EVC2: variants seen among roughly 807,000 people sequenced by gnomAD.
The protein encoded by EVC2 is limbin.
Under a neutral mutation model 149.3 loss-of-function variants are expected in EVC2, and 148 were observed. The ratio of observed to expected loss-of-function variants is 0.99; its 90% CI spans 0.87 to 1.14. The LOEUF is 1.14. Among genes scored for constraint, EVC2 ranks in the 50% most tolerant of loss-of-function variants. The pLI is 0.00. For missense variants in EVC2, 1,854 were observed against 1,627.3 expected, an observed-to-expected ratio of 1.14 and a Z score of -2.40; for synonymous variants, 776 against 649.9, an observed-to-expected ratio of 1.19 and a Z score of -2.95.
At chr4:5,703,514 T>C (rs965756764) in intron 1 of EVC2, among the ~76,000 whole-genome samples, 2 of 152,186 alleles carry the variant, frequency 1.3e-5, no homozygotes, top group African/African-American at 4.8e-5. Flanking sequence ...TAGTAAACAG[T>C]AGAGCTGAGG....
At chr4:5,643,157 T>G (rs1001552778) in intron 9 of EVC2, among the ~76,000 whole-genome samples, 1 of 152,214 alleles carries the variant, frequency 6.6e-6, no homozygotes, top group Non-Finnish European at 1.5e-5. Context: ...ACTGACTATT[T>G]TCAGTTAAAG....
intron 5 of EVC2, among the ~76,000 whole-genome samples, chr4:5,685,752 C>G (rs141287944): frequency 1.3e-5 from 2 of 152,194 alleles, no homozygotes; most frequent in Non-Finnish European, 2.9e-5. Flanking sequence ...GTGCACCACC[C>G]GCAACAGGGC....
intron 17 of EVC2, among the ~76,000 whole-genome samples, chr4:5,578,258 G>A (rs1723052965): frequency 6.6e-6 from 1 of 152,070 alleles, no homozygotes; most frequent in Non-Finnish European, 1.5e-5. Context: ...TCAGCACAGT[G>A]CATAGCTCAT....
intron 9 of EVC2, among the ~76,000 whole-genome samples, chr4:5,651,913 G>A (rs1718169617): frequency 6.6e-6 from 1 of 152,192 alleles, no homozygotes; most frequent in Non-Finnish European, 1.5e-5. Flanking sequence ...TCTTATCCAT[G>A]ACAACCTTGC....
At chr4:5,610,316 G>A (rs1714715970) in intron 16 of EVC2, among the ~76,000 whole-genome samples, 1 of 152,138 alleles carries the variant, frequency 6.6e-6, no homozygotes, top group Admixed American at 6.5e-5. Flanking sequence ...CTACCAAGGT[G>A]CCTGGCACTA....
At chr4:5,695,587 G>A (rs1375527252) in intron 2 of EVC2, among the ~76,000 whole-genome samples, 6 of 152,158 alleles carry the variant, frequency 3.9e-5, no homozygotes, top group Non-Finnish European at 8.8e-5. Context: ...CTGGGTGTGT[G>A]GTTAAGATAC....
intron 14 of EVC2, among the ~76,000 whole-genome samples, chr4:5,620,208 C>G (rs1715588728): frequency 6.6e-6 from 1 of 152,190 alleles, no homozygotes; most frequent in Non-Finnish European, 1.5e-5. Flanking sequence ...TGCACCTTCC[C>G]TTGTGCAAGG....
intron 6 of EVC2, among the ~76,000 whole-genome samples, chr4:5,681,932 G>A (rs552319052): frequency 2.0e-5 from 3 of 152,248 alleles, no homozygotes; most frequent in African/African-American, 7.2e-5. Flanking sequence ...TCTATAGGGT[G>A]GTGGTTAGGG....
At chr4:5,550,603 A>G (rs920256412) in intron 21 of EVC2, among the ~76,000 whole-genome samples, 1 of 152,214 alleles carries the variant, frequency 6.6e-6, no homozygotes, top group Non-Finnish European at 1.5e-5. Flanking sequence ...TGAGAACGCA[A>G]TAGAAAAGAA....
intron 17 of EVC2, among the ~76,000 whole-genome samples, chr4:5,579,822 CA>C (rs1326780131): frequency 2.6e-5 from 4 of 152,208 alleles, no homozygotes; most frequent in African/African-American, 9.7e-5. Flanking sequence ...GCCTGGGTGA[CA>C]GTGACTGTCT....
the EVC2 span, among the ~76,000 whole-genome samples, chr4:5,536,950 T>C: frequency 6.9e-4 from 105 of 152,288 alleles, 1 homozygote; most frequent in African/African-American, 2.4e-3. Context: ...ATCCCTGTCA[T>C]CTGAGAAAGG....
intron 9 of EVC2, among the ~76,000 whole-genome samples, chr4:5,648,465 C>T (rs996352236): frequency 6.6e-6 from 1 of 152,220 alleles, no homozygotes; most frequent in African/African-American, 2.4e-5. Context: ...GGTGCTTTAC[C>T]GGTGGTTTGC....
At chr4:5,681,965 G>C (rs1235412790) in intron 6 of EVC2, among the ~76,000 whole-genome samples, 1 of 152,128 alleles carries the variant, frequency 6.6e-6, no homozygotes, top group Non-Finnish European at 1.5e-5. Flanking sequence ...AGTTCATACA[G>C]GGCCCCACTG....
At chr4:5,612,788 A>G (rs377311383) in intron 16 of EVC2, among the ~76,000 whole-genome samples, 3 of 151,712 alleles carry the variant, frequency 2.0e-5, no homozygotes, top group East Asian at 3.9e-4. Context: ...CGGGAGTAGT[A>G]GCGGGCGCCT....
At chr4:5,564,778 G>A (rs1166174271) in intron 21 of EVC2, among the ~76,000 whole-genome samples, 1 of 152,200 alleles carries the variant, frequency 6.6e-6, no homozygotes, top group Non-Finnish European at 1.5e-5. Flanking sequence ...GCATTGGGGT[G>A]AAGGTAAAGA....
rs373271851 is a variant in EVC2, at chr4:5,578,223, G to A, written c.3058-1769C>T. 2.5e-5 allele frequency among the ~76,000 whole-genome samples: 3 copies of A among 120,336 alleles called. No individual in the cohort carries two copies. In the South Asian group the frequency reaches 8.6e-4, roughly 34 times the overall value. 78.9% of individuals were successfully genotyped at this position (120,336 alleles called of 152,430 possible). A position where few individuals can be genotyped will look rare whatever the true frequency, so the allele number is the denominator to read the frequency against. Reference sequence around the variant, plus strand: ...AGGTCAGGGACTCAGGAGCATCGTTGACATGTTCTCCTTTCTCCCAGCAGT... The same window carrying A: ...AGGTCAGGGACTCAGGAGCATCGTTAACATGTTCTCCTTTCTCCCAGCAGT... On this transcript the variant is annotated intron_variant, in intron 17 of 21. Transcript: ENST00000344408.
At chr4:5,708,742 T>C (rs3755840), upstream of EVC2, 35,320 of 434,394 alleles carry the variant, frequency 0.081, 2,190 homozygotes, top group East Asian at 0.27. Flanking sequence ...GGCCTGGGTT[T>C]GCTTGCGCCC....
intron 15 of EVC2, among the ~76,000 whole-genome samples, chr4:5,616,025 G>C (rs996789329): frequency 5.3e-5 from 8 of 152,240 alleles, no homozygotes; most frequent in African/African-American, 1.9e-4. Context: ...CCGGGGTATA[G>C]GCTGGGGCTG....
At chr4:5,543,384 C>T (rs1010848624) in intron 21 of EVC2, among the ~76,000 whole-genome samples, 1 of 152,178 alleles carries the variant, frequency 6.6e-6, no homozygotes, top group African/African-American at 2.4e-5. Flanking sequence ...CCAAAATAAG[C>T]TCTTGAAATC....
Sources: gnomAD v4.1 joint callset for allele counts (sites outside exome capture counted in the v4.1 genomes callset) on GRCh38, gnomAD v4.1.1 for gene constraint, MANE v1.5 for transcripts, NCBI Gene and HGNC (gene_info 2026-07-23, HGNC 2026-07-21) for gene names.